The following HIPK3 variants were observed in gnomAD, a reference collection of about 807,000 sequenced individuals.
HIPK3 encodes homeodomain interacting protein kinase 3.
A neutral mutation model predicts 124.2 loss-of-function variants in HIPK3; 47 were observed. The ratio of observed to expected loss-of-function variants is 0.38; its 90% CI spans 0.30 to 0.48. HIPK3 has a LOEUF of 0.48. HIPK3 is among the 20% of genes least tolerant of loss of function. The probability of loss-of-function intolerance (pLI) is 0.98; values close to 1 mark genes in which losing one functional copy is unlikely to be tolerated. For missense variants in HIPK3, 1,286 were observed against 1,454.3 expected, an observed-to-expected ratio of 0.88 and a Z score of 1.88; for synonymous variants, 482 against 515.2, an observed-to-expected ratio of 0.94 and a Z score of 0.87.
chr11:33,331,955 A>T (rs1853000532), intron 3 of HIPK3, among the ~76,000 whole-genome samples: 1 of 152,168 alleles, frequency 6.6e-6, no homozygotes, highest in Non-Finnish European at 1.5e-5. Context: ...GTGCAGTGGC[A>T]GGATCATGGT....
At chr11:33,256,980 G>C (rs1197589875), upstream of HIPK3, among the ~76,000 whole-genome samples, 1 of 152,164 alleles carries the variant, frequency 6.6e-6, no homozygotes, top group Non-Finnish European at 1.5e-5. Context: ...CCTTAATTAC[G>C]GTTCCGGGAT....
chr11:33,337,219 TTAGAAGAC>T, intron 4 of HIPK3, 25 bp downstream of exon 4: 1 of 1,421,920 alleles, frequency 7.0e-7, no homozygotes, highest in Non-Finnish European at 9.7e-7. Flanking sequence ...AATAGAATAT[TTAGAAGAC>T]TAGTTTTCTA....
rs147511931 is a variant in HIPK3, at chr11:33,259,207, T to G, written c.-3+1318T>G. Among the ~76,000 whole-genome samples, 293 of 152,364 alleles carry G rather than the reference T, an allele frequency of 1.9e-3. 2 individuals are homozygous for G. Among genetic ancestry groups the G allele is most frequent in the African/African-American group, 6.7e-3 (280 of 41,590 alleles). ...TAGTTGCTGGGCTCTTTAAAATTTTTAAAGAGGTTTCCTTTCTGATCAAAT... is the reference window on the plus strand; with the variant it reads ...TAGTTGCTGGGCTCTTTAAAATTTTGAAAGAGGTTTCCTTTCTGATCAAAT... On this transcript the variant is annotated intron_variant, in intron 1 of 16. Transcript: ENST00000303296.
intron 2 of HIPK3, among the ~76,000 whole-genome samples, chr11:33,291,628 C>G (rs1025292676): frequency 6.6e-6 from 1 of 152,142 alleles, no homozygotes; most frequent in Non-Finnish European, 1.5e-5. Context: ...TGGTTTCTGT[C>G]AAGAACACGT....
In HIPK3 at chr11:33,355,966, T is replaced by C. The variant is rs1472039668; in HGVS notation, c.*2398T>C. On this transcript the variant is annotated 3_prime_UTR_variant, in exon 17 of 17. Coordinates refer to ENST00000303296, the MANE Select transcript of HIPK3 (RefSeq NM_005734.5). ...TGCCCTCCACAGCCTTCTAATTTTA[T>C]TTATATGTTCCAGCAGATTATTAGG... is the stretch of plus-strand genomic sequence containing the variant. 1 of 152,036 alleles carries C rather than the reference T, an allele frequency of 6.6e-6. No homozygotes were observed. Among genetic ancestry groups the C allele is most frequent in the Non-Finnish European group, 1.5e-5 (1 of 67,898 alleles). The allele number at this position is 152,036 out of a possible 1,614,324, so 9.4% of individuals were successfully genotyped here.
chr11:33,295,767 T>C (rs1474545104), intron 2 of HIPK3, among the ~76,000 whole-genome samples: 1 of 152,224 alleles, frequency 6.6e-6, no homozygotes, highest in Non-Finnish European at 1.5e-5. Flanking sequence ...TGTCCACACA[T>C]ATTGAGAGGC....
intron 1 of HIPK3, chr11:33,258,261 GT>G: frequency 1.0e-6 from 1 of 974,066 alleles, no homozygotes; most frequent in Non-Finnish European, 1.2e-6. Context: ...CCGAAGTTTT[GT>G]TTAGTCCCAC....
chr11:33,257,348 A>G (rs1157387899), upstream of HIPK3: 4 of 984,298 alleles, frequency 4.1e-6, no homozygotes, highest in Non-Finnish European at 4.8e-6. Flanking sequence ...GAGGCCGACG[A>G]GCGCGGAGGA....
intron 1 of HIPK3, among the ~76,000 whole-genome samples, chr11:33,260,692 A>G (rs957609548): frequency 1.3e-5 from 2 of 152,228 alleles, no homozygotes; most frequent in Non-Finnish European, 2.9e-5. Context: ...AAGTTTGGAG[A>G]TGAAAAGATG....
chr11:33,315,444 C>T (rs1852471924), intron 2 of HIPK3, among the ~76,000 whole-genome samples: 1 of 152,160 alleles, frequency 6.6e-6, no homozygotes, highest in Non-Finnish European at 1.5e-5. Flanking sequence ...CCAGGATGGT[C>T]TTGATCTCCT....
At chr11:33,322,151 C>T (rs1249531177) in intron 2 of HIPK3, among the ~76,000 whole-genome samples, 1 of 152,122 alleles carries the variant, frequency 6.6e-6, no homozygotes. Context: ...AGGCGCTTGC[C>T]ACCACACCCA....
At position 33,354,353 on chromosome 11, in the gene HIPK3, G is replaced by A. The variant is rs1037829898; in HGVS notation, c.*785G>A. The A allele has an allele frequency of 6.6e-6, 1 of 152,594 alleles. No individual in the cohort carries two copies. The highest frequency in any genetic ancestry group is 2.4e-5 in the African/African-American group (1 of 41,446). The allele number at this position is 152,594 out of a possible 1,614,324, so 9.5% of individuals were successfully genotyped here. A position where few individuals can be genotyped will look rare whatever the true frequency, so the allele number is the denominator to read the frequency against. ...TCAGAATGATCTAGCTTCAAGAAAA[G>A]CAAGCAGTTAGTAGTGCTTAAGAAA... On this transcript the variant is annotated 3_prime_UTR_variant, in exon 17 of 17. Coordinates refer to ENST00000303296, the MANE Select transcript of HIPK3 (RefSeq NM_005734.5).
chr11:33,327,348 G>A (rs755005076), intron 2 of HIPK3, among the ~76,000 whole-genome samples: 4 of 152,134 alleles, frequency 2.6e-5, no homozygotes, highest in African/African-American at 9.7e-5. Context: ...ACTGAGGGAC[G>A]TTTCTTCAAA....
chr11:33,298,475 C>T (rs1851902219), intron 2 of HIPK3, among the ~76,000 whole-genome samples: 1 of 152,228 alleles, frequency 6.6e-6, no homozygotes, highest in Non-Finnish European at 1.5e-5. Flanking sequence ...GTCATTTTTA[C>T]TTTCAAGTCT....
chr11:33,304,671 A>G (rs994646340), intron 2 of HIPK3, among the ~76,000 whole-genome samples: 2 of 152,230 alleles, frequency 1.3e-5, no homozygotes, highest in African/African-American at 4.8e-5. Flanking sequence ...TTATAATTTT[A>G]CAAAATACAT....
Position 33,257,459 on chromosome 11 carries a change from C to A in HIPK3, c.-433C>A. 1 of 985,772 alleles carries A rather than the reference C, an allele frequency of 1.0e-6. No individual in the cohort carries two copies. Among genetic ancestry groups the A allele is most frequent in the Non-Finnish European group, 1.2e-6 (1 of 830,270 alleles). 61.1% of individuals were successfully genotyped at this position (985,772 alleles called of 1,614,324 possible). ...AAGCCGCAGGCCCCGCCGTCGCCAC[C>A]ACTCCCGCCAGTCTTCCTTCTCCGC... On this transcript the variant is annotated 5_prime_UTR_variant, in exon 1 of 17. Transcript: ENST00000303296.
intron 1 of HIPK3, chr11:33,258,741 G>A (rs746889794): frequency 4.5e-4 from 441 of 984,890 alleles, no homozygotes; most frequent in Non-Finnish European, 5.1e-4. Flanking sequence ...TCTGCTTGAG[G>A]AATTGCGCTG....
chr11:33,268,691 A>G (rs572705205), intron 1 of HIPK3, among the ~76,000 whole-genome samples: 28 of 151,976 alleles, frequency 1.8e-4, no homozygotes, highest in African/African-American at 6.8e-4. Flanking sequence ...TGAACAGAAA[A>G]TTTTCGGGAG....
chr11:33,299,384 A>G (rs969838782), intron 2 of HIPK3, among the ~76,000 whole-genome samples: 2 of 151,856 alleles, frequency 1.3e-5, no homozygotes, highest in African/African-American at 4.8e-5. Context: ...AGGCAGGAGA[A>G]TCGCTGGAAC....
Sources: gnomAD v4.1 joint callset for allele counts (sites outside exome capture counted in the v4.1 genomes callset) on GRCh38, gnomAD v4.1.1 for gene constraint, MANE v1.5 for transcripts, NCBI Gene and HGNC (gene_info 2026-07-23, HGNC 2026-07-21) for gene names.